FAM13C: variants seen among roughly 807,000 people sequenced by gnomAD.
FAM13C encodes the protein family with sequence similarity 13 member C.
A neutral mutation model predicts 73.2 loss-of-function variants in FAM13C; 37 were observed. That is an observed-to-expected ratio of 0.51 (90% CI 0.39 to 0.67). The LOEUF (loss-of-function observed/expected upper bound fraction) is 0.67. FAM13C is among the 30% of genes least tolerant of loss of function. The pLI, the probability that FAM13C is intolerant of heterozygous loss-of-function variation, is 0.00. For synonymous variants in FAM13C, 246 were observed against 260.9 expected, an observed-to-expected ratio of 0.94 and a Z score of 0.55; for missense variants, 589 against 715.6, an observed-to-expected ratio of 0.82 and a Z score of 2.02.
At chr10:59,340,917 A>G (rs907254678) in intron 3 of FAM13C, among the ~76,000 whole-genome samples, 1 of 151,954 alleles carries the variant, frequency 6.6e-6, no homozygotes, top group Non-Finnish European at 1.5e-5. Context: ...AGAGAGAGCA[A>G]TATCTGGGTC....
intron 5 of FAM13C, among the ~76,000 whole-genome samples, chr10:59,295,418 G>C (rs1439365654): frequency 6.6e-6 from 1 of 152,174 alleles, no homozygotes; most frequent in Admixed American, 6.5e-5. Flanking sequence ...GAGGGGGAGT[G>C]TGACAGCCTC....
intron 10 of FAM13C, among the ~76,000 whole-genome samples, chr10:59,261,853 C>A (rs1842536837): frequency 6.6e-6 from 1 of 151,910 alleles, no homozygotes; most frequent in Admixed American, 6.6e-5. Context: ...TATAATAAAT[C>A]TTTTCTTTGA....
chr10:59,338,856 G>A (rs1311203417), intron 3 of FAM13C, among the ~76,000 whole-genome samples: 2 of 152,146 alleles, frequency 1.3e-5, no homozygotes, highest in Non-Finnish European at 1.5e-5. Flanking sequence ...CTAACTTCAG[G>A]AAGCCCCTTC....
At chr10:59,276,362 G>T (rs1227417455) in intron 6 of FAM13C, among the ~76,000 whole-genome samples, 1 of 152,136 alleles carries the variant, frequency 6.6e-6, no homozygotes, top group Non-Finnish European at 1.5e-5. Flanking sequence ...TGAGTTCTGA[G>T]TACAGAAAGA....
At position 59,360,946 on chromosome 10, in the gene FAM13C, T is replaced by G. The variant is rs1243285045; in HGVS notation, c.62+1453A>C. ...TGCCGTGCCTGTGACTGACCGAGGA[T>G]TTGGCCACACCAGGCTCCTGAGAAT... On this transcript the variant is annotated intron_variant, in intron 1 of 13. Transcript: ENST00000618804. The G allele has an allele frequency of 2.7e-6, 3 of 1,105,376 alleles. No individual in the cohort carries two copies. In the East Asian group the frequency reaches 1.8e-4, roughly 66 times the overall value. 68.5% of individuals were successfully genotyped at this position (1,105,376 alleles called of 1,614,324 possible). A position where few individuals can be genotyped will look rare whatever the true frequency, so the allele number is the denominator to read the frequency against.
In FAM13C at chr10:59,254,461, A is replaced by C; in HGVS notation, c.1237-18T>G. 7.2e-7 allele frequency: 1 copy of C among 1,393,702 alleles called. No homozygotes were observed. Among genetic ancestry groups the C allele is most frequent in the Non-Finnish European group, 9.6e-7 (1 of 1,043,174 alleles). 86.3% of individuals were successfully genotyped at this position (1,393,702 alleles called of 1,614,324 possible). On this transcript the variant is annotated intron_variant, in intron 10 of 13. Coordinates refer to ENST00000618804, the MANE Select transcript of FAM13C (RefSeq NM_198215.4). ...TTAGTTACCTGAAAAACATGAAATTAATTATTATTCCTCTCTCAGACAAGA... is the reference window on the plus strand; with the variant it reads ...TTAGTTACCTGAAAAACATGAAATTCATTATTATTCCTCTCTCAGACAAGA...
intron 6 of FAM13C, among the ~76,000 whole-genome samples, chr10:59,277,637 A>C (rs1844463148): frequency 6.6e-6 from 1 of 152,214 alleles, no homozygotes; most frequent in Non-Finnish European, 1.5e-5. Flanking sequence ...GTAGCAAATA[A>C]ATCAACCACA....
chr10:59,321,431 C>CTTT lies in FAM13C; in HGVS notation c.443+2556_443+2557insAAA, dbSNP rs1850255076. Among the ~76,000 whole-genome samples, 117 of 109,830 alleles carry CTTT rather than the reference C, an allele frequency of 1.1e-3. 15 individuals carry two copies. Among genetic ancestry groups the CTTT allele is most frequent in the African/African-American group, 3.7e-3 (107 of 28,928 alleles). 72.1% of individuals were successfully genotyped at this position (109,830 alleles called of 152,430 possible). ...AGAAAGGAATGGAGCCCTGCCAACA[C>CTTT]CTTTTTTTTTTTTTTTTTTTTTTTT... On this transcript the variant is annotated intron_variant, in intron 4 of 13. Coordinates refer to ENST00000618804, the MANE Select transcript of FAM13C (RefSeq NM_198215.4).
At chr10:59,279,734 G>T (rs1026148365) in intron 6 of FAM13C, among the ~76,000 whole-genome samples, 20 of 152,222 alleles carry the variant, frequency 1.3e-4, no homozygotes, top group African/African-American at 4.8e-4. Flanking sequence ...GGAAATATTT[G>T]CTTCAGCTGT....
chr10:59,332,074 G>A (rs867400869), intron 3 of FAM13C, among the ~76,000 whole-genome samples: 1 of 152,172 alleles, frequency 6.6e-6, no homozygotes, highest in African/African-American at 2.4e-5. Context: ...ACAATTCAGA[G>A]TAGGCAGAGA....
intron 13 of FAM13C, among the ~76,000 whole-genome samples, chr10:59,249,408 G>GAAAAA (rs71006241): frequency 9.0e-4 from 89 of 99,150 alleles, no homozygotes; most frequent in East Asian, 1.7e-3. Context: ...CGTCTCAAAA[G>GAAAAA]AAAAAAAAAA....
At chr10:59,348,390 C>G (rs1854586144) in intron 3 of FAM13C, among the ~76,000 whole-genome samples, 1 of 152,232 alleles carries the variant, frequency 6.6e-6, no homozygotes. Flanking sequence ...GTGACATTTA[C>G]CCTGCGATCA....
intron 4 of FAM13C, among the ~76,000 whole-genome samples, chr10:59,309,122 C>T (rs965319454): frequency 6.6e-6 from 1 of 152,162 alleles, no homozygotes; most frequent in African/African-American, 2.4e-5. Flanking sequence ...TGGAAGACAA[C>T]GGACAGCTAT....
At chr10:59,317,157 G>T (rs1589583985) in intron 4 of FAM13C, among the ~76,000 whole-genome samples, 3 of 127,432 alleles carry the variant, frequency 2.4e-5, no homozygotes, top group Admixed American at 1.5e-4. Context: ...TGTGTGTGTA[G>T]TATTTAATGT....
At chr10:59,267,568 CA>C (rs1380836938) in intron 8 of FAM13C, among the ~76,000 whole-genome samples, 1 of 152,124 alleles carries the variant, frequency 6.6e-6, no homozygotes, top group East Asian at 1.9e-4. Flanking sequence ...CCCATTTTTG[CA>C]AAGCTAAAAT....
At chr10:59,353,776 T>C (rs1855370348) in intron 2 of FAM13C, among the ~76,000 whole-genome samples, 1 of 152,184 alleles carries the variant, frequency 6.6e-6, no homozygotes, top group Non-Finnish European at 1.5e-5. Context: ...CGTGACATAG[T>C]TAAACTTGAA....
At chr10:59,315,808 C>T (rs1357488397) in intron 4 of FAM13C, among the ~76,000 whole-genome samples, 1 of 152,172 alleles carries the variant, frequency 6.6e-6, no homozygotes, top group African/African-American at 2.4e-5. Flanking sequence ...CACCCAGAGC[C>T]ACCATCCTAT....
chr10:59,277,005 T>C (rs1164573572), intron 6 of FAM13C, among the ~76,000 whole-genome samples: 1 of 152,216 alleles, frequency 6.6e-6, no homozygotes, highest in Non-Finnish European at 1.5e-5. Context: ...AAGTGCAGAA[T>C]GATAAATCTG....
chr10:59,302,026 G>T (rs1476590506), intron 5 of FAM13C, among the ~76,000 whole-genome samples: 2 of 18 alleles, frequency 0.11, no homozygotes, highest in Non-Finnish European at 0.14. Context: ...AACAATTTGC[G>T]GTAAAGCCCC....
Sources: allele counts gnomAD v4.1 joint callset (sites outside exome capture counted in the v4.1 genomes callset), GRCh38; gene constraint gnomAD v4.1.1; transcripts MANE v1.5; gene names NCBI Gene and HGNC (gene_info 2026-07-23, HGNC 2026-07-21).